Variants in EYS observed in about 807,000 individuals in gnomAD.
The protein encoded by EYS is EGF-like photoreceptor maintenance factor, also known as protein eyes shut homolog.
EYS carries 250 observed loss-of-function variants against 282.1 expected under a neutral mutation model. That is an observed-to-expected ratio of 0.89 (90% confidence interval 0.80 to 0.98). EYS has a LOEUF of 0.98. Among genes scored for constraint, EYS ranks in the 50% least tolerant of loss-of-function variants. The pLI, the probability that EYS is intolerant of heterozygous loss-of-function variation, is 0.00. For synonymous variants in EYS, 1,355 were observed against 1,282.9 expected (o/e 1.06, Z -1.20); for missense variants, 4,016 against 3,709.0 (o/e 1.08, Z -2.15).
chr6:65,318,981 T>A (rs1203817231), intron 11 of EYS, among the ~76,000 whole-genome samples: 2 of 151,574 alleles, frequency 1.3e-5, no homozygotes, highest in Non-Finnish European at 2.9e-5. Context: ...TTTTCTGATA[T>A]TAATATTATT....
At chr6:64,063,157 T>C (rs991261124) in intron 33 of EYS, among the ~76,000 whole-genome samples, 9 of 152,306 alleles carry the variant, frequency 5.9e-5, no homozygotes, top group African/African-American at 1.2e-4. Context: ...TTCTACTGTA[T>C]ACTCTCATCC....
At position 63,952,711 on chromosome 6, in the gene EYS, C is replaced by T. The variant is rs577081773; in HGVS notation, c.7055+31672G>A. Among the ~76,000 whole-genome samples the T allele has an allele frequency of 8.8e-4, 134 of 152,276 alleles. 1 individual carries two copies. Among genetic ancestry groups the T allele is most frequent in the African/African-American group, 3.1e-3 (129 of 41,544 alleles). ...GCTACAGCCACACCTCATTGCTGCC[C>T]TTTTCCCCAGTTCAAAGCCTCCTTC... On this transcript the variant is annotated intron_variant, in intron 35 of 42. Coordinates refer to ENST00000503581, the MANE Select transcript of EYS (RefSeq NM_001142800.2).
intron 31 of EYS, among the ~76,000 whole-genome samples, chr6:64,093,705 G>C (rs1211236486): frequency 6.6e-6 from 1 of 152,130 alleles, no homozygotes; most frequent in East Asian, 1.9e-4. Flanking sequence ...TGCAAACAGG[G>C]ACAATTTGAC....
chr6:65,647,179 C>T (rs1179412407), intron 1 of EYS, among the ~76,000 whole-genome samples: 13 of 151,976 alleles, frequency 8.6e-5, no homozygotes, highest in African/African-American at 2.2e-4. Flanking sequence ...AAAATTTATA[C>T]GGAACTAAAA....
intron 2 of EYS, among the ~76,000 whole-genome samples, chr6:65,545,100 A>G (rs1768331905): frequency 6.6e-6 from 1 of 152,088 alleles, no homozygotes; most frequent in Non-Finnish European, 1.5e-5. Flanking sequence ...ACTTTTCAGT[A>G]CTCTTACATT....
At chr6:64,507,232 A>C (rs1777240862) in intron 26 of EYS, among the ~76,000 whole-genome samples, 1 of 152,104 alleles carries the variant, frequency 6.6e-6, no homozygotes, top group Non-Finnish European at 1.5e-5. Context: ...CATGTGCACA[A>C]CTTCATGTCC....
At chr6:65,478,905 A>C (rs1582350476) in intron 5 of EYS, among the ~76,000 whole-genome samples, 2 of 152,214 alleles carry the variant, frequency 1.3e-5, no homozygotes, top group African/African-American at 2.4e-5. Flanking sequence ...ATAAAAACAC[A>C]CAGAAATCTG....
chr6:65,329,269 A>G (rs1193829685), intron 11 of EYS: 4 of 741,938 alleles, frequency 5.4e-6, no homozygotes, highest in Admixed American at 6.3e-5. Context: ...TGAAACTTGA[A>G]ACTTTATTAT....
chr6:65,077,303 G>T (rs1774084972), intron 12 of EYS, among the ~76,000 whole-genome samples: 1 of 152,070 alleles, frequency 6.6e-6, no homozygotes, highest in South Asian at 2.1e-4. Flanking sequence ...GCATTTACAA[G>T]ATAGCTGCTT....
In EYS at chr6:64,084,576, G is replaced by A. The variant is rs939468917; in HGVS notation, c.6425-2574C>T. Among the ~76,000 whole-genome samples the A allele has an allele frequency of 5.3e-5, 8 of 152,174 alleles. 1 individual carries two copies. Among genetic ancestry groups the A allele is most frequent in the African/African-American group, 1.9e-4 (8 of 41,430 alleles). On this transcript the variant is annotated intron_variant, in intron 31 of 42. Coordinates refer to ENST00000503581, the MANE Select transcript of EYS (RefSeq NM_001142800.2). ...ACTAGGAATCAAGGCACCCATTGAA[G>A]TTAGTCTTATACCCTCCCCTAGAGG... is the stretch of plus-strand genomic sequence containing the variant.
intron 14 of EYS, among the ~76,000 whole-genome samples, chr6:64,962,215 A>G (rs796691216): frequency 6.6e-6 from 1 of 151,964 alleles, no homozygotes; most frequent in South Asian, 2.1e-4. Context: ...TTCAGCATAA[A>G]CACCATCATA....
intron 31 of EYS, among the ~76,000 whole-genome samples, chr6:64,167,387 T>C (rs1764323107): frequency 1.3e-5 from 2 of 152,358 alleles, no homozygotes. Flanking sequence ...AGTAAAATGA[T>C]AAGAACTTTT....
intron 22 of EYS, among the ~76,000 whole-genome samples, chr6:64,703,146 G>T (rs1474539013): frequency 4.6e-5 from 7 of 151,672 alleles, no homozygotes; most frequent in Non-Finnish European, 2.9e-5. Context: ...AAGAGAAAAA[G>T]GACCTGATTA....
rs184441925 is a variant in EYS at position 64,841,366 on chromosome 6, A to T, written c.2993-18544T>A. 2.0e-5 allele frequency among the ~76,000 whole-genome samples: 3 copies of T among 152,292 alleles called. No homozygotes were observed. In the East Asian group the frequency reaches 5.8e-4, roughly 29 times the overall value. On this transcript the variant is annotated intron_variant, in intron 19 of 42. Coordinates refer to ENST00000503581, the MANE Select transcript of EYS (RefSeq NM_001142800.2). ...TTTAACTCTATTACTGTATTATTTT[A>T]TTAATATGCAAGTGAAATTACCATG...
chr6:65,388,693 T>C (rs1765890080), intron 7 of EYS, among the ~76,000 whole-genome samples: 1 of 152,004 alleles, frequency 6.6e-6, no homozygotes, highest in South Asian at 2.1e-4. Flanking sequence ...CTTGTAAGCA[T>C]TTAAAATACT....
At chr6:65,520,884 T>G (rs1321839122) in intron 2 of EYS, among the ~76,000 whole-genome samples, 1 of 152,092 alleles carries the variant, frequency 6.6e-6, no homozygotes, top group East Asian at 1.9e-4. Flanking sequence ...ATTTTAGTGC[T>G]TGATTGCATA....
In EYS at chr6:64,028,938, C is replaced by T. The variant is rs192682943; in HGVS notation, c.6726-29755G>A. On this transcript the variant is annotated intron_variant, in intron 33 of 42. Coordinates refer to ENST00000503581, the MANE Select transcript of EYS (RefSeq NM_001142800.2). ...AGGGACCAGGGCCCTCAGCAAGGAA[C>T]GAATACAGCCTATACTGGCTTATCC... 8.2e-3 allele frequency among the ~76,000 whole-genome samples: 1,241 copies of T among 152,230 alleles called. 27 individuals carry two copies. The highest frequency in any genetic ancestry group is 0.043 in the Admixed American group (652 of 15,294).
chr6:64,928,819 G>A (rs914361702), intron 15 of EYS, among the ~76,000 whole-genome samples: 8 of 151,654 alleles, frequency 5.3e-5, no homozygotes, highest in East Asian at 1.9e-4. Context: ...AACCTAATAC[G>A]GAATGATTTT....
At chr6:65,265,649 A>C (rs900172634) in intron 12 of EYS, among the ~76,000 whole-genome samples, 4 of 152,028 alleles carry the variant, frequency 2.6e-5, no homozygotes, top group African/African-American at 9.7e-5. Context: ...GGTGGAATAA[A>C]TGAAGATTAA....
Sources: gnomAD v4.1 joint callset for allele counts (sites outside exome capture counted in the v4.1 genomes callset) on GRCh38, gnomAD v4.1.1 for gene constraint, MANE v1.5 for transcripts, NCBI Gene and HGNC (gene_info 2026-07-23, HGNC 2026-07-21) for gene names.